EEF2: variants seen among roughly 807,000 people sequenced by gnomAD.
The protein encoded by EEF2 is eukaryotic translation elongation factor 2.
EEF2 carries 21 observed loss-of-function variants against 85.3 expected under a neutral mutation model. That is an observed-to-expected ratio of 0.25 (90% confidence interval 0.17 to 0.35). The LOEUF (loss-of-function observed/expected upper bound fraction) is 0.35, where lower values mean the gene tolerates loss of function less well. Among genes scored for constraint, EEF2 ranks in the 10% least tolerant of loss-of-function variants. The pLI, the probability that EEF2 is intolerant of heterozygous loss-of-function variation, is 1.00. For missense variants in EEF2, 825 were observed against 1,225.3 expected, an observed-to-expected ratio of 0.67 and a Z score of 4.88; for synonymous variants, 723 against 508.8, an observed-to-expected ratio of 1.42 and a Z score of -5.67.
chr19:3,983,853 C>G (rs1420788962), intron 2 of EEF2: 1 of 488,286 alleles, frequency 2.0e-6, no homozygotes, highest in African/African-American at 1.9e-5. Flanking sequence ...GGTGTGACAG[C>G]CAAACCTCTC....
At chr19:3,981,566 A>G (rs1392909019) in intron 6 of EEF2, 114 bp from the exon 7 acceptor site, 5 of 1,016,146 alleles carry the variant, frequency 4.9e-6, no homozygotes, top group Admixed American at 1.9e-5. Flanking sequence ...GCACGGGAGC[A>G]GGAGCAGGCC....
intron 2 of EEF2, 44 bp from the exon 3 acceptor site, chr19:3,983,335 C>T: frequency 6.3e-7 from 1 of 1,590,246 alleles, no homozygotes; most frequent in Non-Finnish European, 8.6e-7. Flanking sequence ...AGCCACACAC[C>T]TGGCCCAGGG....
At chr19:3,982,719 C>G in intron 4 of EEF2, 88 bp downstream of exon 4, 1 of 1,425,302 alleles carries the variant, frequency 7.0e-7, no homozygotes, top group Non-Finnish European at 9.6e-7. Flanking sequence ...AAACACACTT[C>G]CAGTCCCCCT....
intron 6 of EEF2, 85 bp from the exon 7 acceptor site, chr19:3,981,537 G>A (rs2039747040): frequency 2.3e-6 from 3 of 1,281,758 alleles, no homozygotes; most frequent in Non-Finnish European, 3.4e-6. Context: ...GAAGACTCAG[G>A]TCAGCGCAGG....
rs555077387 is a variant in EEF2 at position 3,985,417 on chromosome 19, G to C, written c.-37C>G. 1.3e-5 allele frequency: 19 copies of C among 1,481,024 alleles called. No individual in the cohort carries two copies. Among genetic ancestry groups the C allele is most frequent in the Admixed American group, 2.3e-5 (1 of 43,176 alleles). 91.7% of individuals were successfully genotyped at this position (1,481,024 alleles called of 1,614,324 possible). A position where few individuals can be genotyped will look rare whatever the true frequency, so the allele number is the denominator to read the frequency against. On this transcript the variant is annotated 5_prime_UTR_variant, in exon 1 of 15. Coordinates refer to ENST00000309311, the MANE Select transcript of EEF2 (RefSeq NM_001961.4). ...GCGGTGGATTCTCCCAGGTAGAACC[G>C]AAAGAAGCGAGTCGCGCCGAGGATG...
intron 1 of EEF2, 84 bp from the exon 2 acceptor site, chr19:3,984,434 C>T (rs929803902): frequency 6.9e-7 from 1 of 1,450,848 alleles, no homozygotes; most frequent in Middle Eastern, 1.8e-4. Flanking sequence ...AACGAACCAG[C>T]ATGCCCAAGG....
Position 3,977,073 on chromosome 19 carries a change from C to T in EEF2, c.2383+142G>A. 1 of 1,258,672 alleles carries T rather than the reference C, an allele frequency of 7.9e-7. No individual in the cohort carries two copies. Among genetic ancestry groups the T allele is most frequent in the Non-Finnish European group, 1.1e-6 (1 of 926,296 alleles). 78.0% of individuals were successfully genotyped at this position (1,258,672 alleles called of 1,614,324 possible). A position where few individuals can be genotyped will look rare whatever the true frequency, so the allele number is the denominator to read the frequency against. On this transcript the variant is annotated intron_variant, in intron 14 of 14. Coordinates refer to ENST00000309311, the MANE Select transcript of EEF2 (RefSeq NM_001961.4). The surrounding 1 kb of genome is among the most constrained non-coding windows in gnomAD (Gnocchi z 5.4). ...TTCAGTGATTTAGGGGGTCCACAAG[C>T]TGTCAGAAACTGGACCACCTGCTCC...
At chr19:3,979,088 C>T (rs1301929109) in intron 11 of EEF2, among the ~76,000 whole-genome samples, 1 of 152,000 alleles carries the variant, frequency 6.6e-6, no homozygotes, top group Non-Finnish European at 1.5e-5. Flanking sequence ...GCCAAGATCA[C>T]GCCACTGCAC....
chr19:3,978,002 G>A lies in EEF2; in HGVS notation c.1884C>T (p.Leu628=), dbSNP rs775864126. The part of the protein sequence containing the change: ...DKGEVSARQE[L]KQRARYLAEK... Reference sequence around the variant, plus strand: ...CGGCCAGGTAGCGCGCCCGCTGCTTGAGCTCCTGACGGGCGGACACCTCGC... The same window carrying A: ...CGGCCAGGTAGCGCGCCCGCTGCTTAAGCTCCTGACGGGCGGACACCTCGC... The change falls in exon 12 of 15, where the codon CTC becomes CTT. Residue 628 remains leucine (L), a synonymous_variant. Coordinates refer to ENST00000309311, the MANE Select transcript of EEF2 (RefSeq NM_001961.4). The A allele has an allele frequency of 3.1e-6, 5 of 1,612,238 alleles. No individual in the cohort carries two copies. The highest frequency in any genetic ancestry group is 2.2e-5 in the South Asian group (2 of 90,956).
At position 3,979,415 on chromosome 19, in the gene EEF2, C is replaced by T; in HGVS notation, c.1627G>A (p.Glu543Lys). 1 of 1,613,792 alleles carries T rather than the reference C, an allele frequency of 6.2e-7. No homozygotes were observed. The highest frequency in any genetic ancestry group is 8.5e-7 in the Non-Finnish European group (1 of 1,179,998). ...MVQCIIEESG[E>K]HIIAGAGELH... is the part of the protein sequence containing the mutation. ...TCGCCGGCGCCCGCGATGATATGCT[C>T]TCCCGACTCCTCGATGATGCACTGA... is the stretch of plus-strand genomic sequence containing the variant. Residue 543 changes from glutamate (E) to lysine (K), a missense_variant, in exon 11 of 15, where the codon GAG (glutamate) becomes AAG (lysine). Coordinates refer to ENST00000309311, the MANE Select transcript of EEF2 (RefSeq NM_001961.4).
Position 3,976,416 on chromosome 19 carries a change from C to T in EEF2, c.*138G>A. On this transcript the variant is annotated 3_prime_UTR_variant, in exon 15 of 15. Transcript: ENST00000309311. ...ATCAAGTGTTATGGTTGAGTGATGG[C>T]ACGCAGCGGGCCCCAGAAACCTCTC... 1 of 891,942 alleles carries T rather than the reference C, an allele frequency of 1.1e-6. No individual in the cohort carries two copies. Among genetic ancestry groups the T allele is most frequent in the East Asian group, 2.7e-5 (1 of 36,712 alleles). 55.3% of individuals were successfully genotyped at this position (891,942 alleles called of 1,614,324 possible). A position where few individuals can be genotyped will look rare whatever the true frequency, so the allele number is the denominator to read the frequency against.
Position 3,977,737 on chromosome 19 carries a change from C to G in EEF2, c.2067+82G>C, listed in dbSNP as rs781436855. On this transcript the variant is annotated intron_variant, in intron 12 of 14. Coordinates refer to ENST00000309311, the MANE Select transcript of EEF2 (RefSeq NM_001961.4). This position sits in a 1 kb window ranked among gnomAD's most constrained non-coding sequence, Gnocchi z 5.4. ...TTGCCCGCCTTGGCCCCATTAGGGT[C>G]TCTGTCTCGGGAGGCAGGACCATGA... 4.8e-5 allele frequency: 71 copies of G among 1,493,914 alleles called. No individual in the cohort carries two copies. The highest frequency in any genetic ancestry group is 6.3e-5 in the Non-Finnish European group (71 of 1,124,292). The allele number at this position is 1,493,914 out of a possible 1,614,324, so 92.5% of individuals were successfully genotyped here. A position where few individuals can be genotyped will look rare whatever the true frequency, so the allele number is the denominator to read the frequency against.
chr19:3,984,514 C>T (rs1415336024), intron 1 of EEF2, among the ~76,000 whole-genome samples, 164 bp from the exon 2 acceptor site: 7 of 152,236 alleles, frequency 4.6e-5, no homozygotes, highest in Admixed American at 4.6e-4. Flanking sequence ...CCTTAAGAGC[C>T]ACCCCGCAAT....
At chr19:3,985,288 CG>C (rs1555685090) in intron 1 of EEF2, 89 bp downstream of exon 1, 11 of 1,300,824 alleles carry the variant, frequency 8.5e-6, no homozygotes, top group South Asian at 4.1e-5. Flanking sequence ...CCTCCTGGCA[CG>C]GGGGGCCCCA....
Position 3,982,011 on chromosome 19 carries a change from G to C in EEF2, c.833C>G (p.Thr278Ser). The change falls in exon 6 of 15, where the codon ACC becomes AGC. Residue 278 changes from threonine (T) to serine (S), a missense_variant. Coordinates refer to ENST00000309311, the MANE Select transcript of EEF2 (RefSeq NM_001961.4). ...PANGKFSKSA[T>S]SPEGKKLPRT... Reference sequence around the variant, plus strand: ...TGGCAGCTTCTTCCCTTCGGGGCTGGTGGCTGACTTGCTGAACTTGCCGTT... The same window carrying C: ...TGGCAGCTTCTTCCCTTCGGGGCTGCTGGCTGACTTGCTGAACTTGCCGTT... 6.2e-7 allele frequency: 1 copy of C among 1,614,210 alleles called. No homozygotes were observed. Among genetic ancestry groups the C allele is most frequent in the South Asian group, 1.1e-5 (1 of 91,086 alleles).
intron 10 of EEF2, 95 bp from the exon 11 acceptor site, chr19:3,979,531 A>G: frequency 8.7e-7 from 1 of 1,146,850 alleles, no homozygotes; most frequent in Non-Finnish European, 1.2e-6. Flanking sequence ...CCCCGCCAGA[A>G]CAAGATTTCA....
At chr19:3,983,054 T>G (rs777925603) in intron 3 of EEF2, 36 bp from the exon 4 acceptor site, 2 of 1,611,504 alleles carry the variant, frequency 1.2e-6, no homozygotes, top group South Asian at 1.1e-5. Context: ...GCTGTCATCC[T>G]CAAGCAAGGA....
intron 1 of EEF2, chr19:3,985,160 G>A (rs1050113339): frequency 1.2e-4 from 54 of 453,036 alleles, no homozygotes; most frequent in East Asian, 5.4e-4. Flanking sequence ...ACCAGGTCTG[G>A]GCAAGGTTAT....
intron 11 of EEF2, among the ~76,000 whole-genome samples, chr19:3,978,943 G>A (rs1006724611): frequency 4.0e-5 from 6 of 150,882 alleles, no homozygotes; most frequent in African/African-American, 1.2e-4. Flanking sequence ...TACTAACACA[G>A]TGAAACCCCG....
Sources: gnomAD v4.1 joint callset for allele counts (sites outside exome capture counted in the v4.1 genomes callset) on GRCh38, gnomAD v4.1.1 for gene constraint, Gnocchi (gnomAD v3.1) non-coding constraint, MANE v1.5 for transcripts, NCBI Gene and HGNC (gene_info 2026-07-23, HGNC 2026-07-21) for gene names.